The following CDH13 variants were observed in gnomAD, a reference collection of about 807,000 sequenced individuals.
The protein encoded by CDH13 is cadherin 13, also known as cadherin-13.
In CDH13, 24 loss-of-function variants were observed where a neutral mutation model predicts 63.8. The ratio of observed to expected loss-of-function variants is 0.38; its 90% CI spans 0.27 to 0.53. CDH13 has a LOEUF of 0.53. Ranked by LOEUF, CDH13 falls within the 20% of genes least tolerant of loss-of-function variation. CDH13 has a pLI of 0.85. For missense variants in CDH13, 1,049 were observed against 903.1 expected, an observed-to-expected ratio of 1.16 and a Z score of -2.07; for synonymous variants, 503 against 355.3, an observed-to-expected ratio of 1.42 and a Z score of -4.67.
intron 4 of CDH13, among the ~76,000 whole-genome samples, chr16:83,170,485 G>A (rs368188637): frequency 1.1e-4 from 16 of 152,108 alleles, no homozygotes; most frequent in African/African-American, 2.2e-4. Context: ...GAGGCAAAGC[G>A]TGAGAAACTC....
intron 12 of CDH13, 76 bp downstream of exon 12, chr16:83,780,277 C>A: frequency 1.1e-6 from 1 of 938,926 alleles, no homozygotes. Flanking sequence ...TGCTGTTTCT[C>A]TACTGTTCTC....
intron 6 of CDH13, chr16:83,397,563 T>C (rs1451659676): frequency 6.6e-6 from 1 of 152,244 alleles, no homozygotes; most frequent in African/African-American, 2.4e-5. Context: ...TCGTGTATTT[T>C]AGCAAGGAGA....
chr16:83,644,080 A>G (rs1598405486), intron 8 of CDH13, among the ~76,000 whole-genome samples: 2 of 152,206 alleles, frequency 1.3e-5, no homozygotes, highest in South Asian at 4.1e-4. Context: ...GTGAAACCCA[A>G]CAGAGTCCTT....
intron 6 of CDH13, among the ~76,000 whole-genome samples, chr16:83,399,328 C>T (rs1406150422): frequency 6.6e-6 from 1 of 152,168 alleles, no homozygotes; most frequent in African/African-American, 2.4e-5. Flanking sequence ...TATGTTACTT[C>T]TGTAATGACA....
chr16:83,456,711 C>T (rs542140364), intron 6 of CDH13, among the ~76,000 whole-genome samples: 13 of 152,246 alleles, frequency 8.5e-5, no homozygotes, highest in African/African-American at 3.1e-4. Context: ...ACCGTAATCC[C>T]AGCACTTTGG....
chr16:82,878,131 A>G (rs893533118), intron 2 of CDH13, among the ~76,000 whole-genome samples: 8 of 152,070 alleles, frequency 5.3e-5, no homozygotes, highest in Admixed American at 6.6e-5. Context: ...CTGAGCCCCA[A>G]GGAAACGTCA....
At chr16:82,997,650 T>A (rs950974846) in intron 2 of CDH13, among the ~76,000 whole-genome samples, 1 of 152,262 alleles carries the variant, frequency 6.6e-6, no homozygotes, top group East Asian at 1.9e-4. Flanking sequence ...CCCTGTTCTA[T>A]AGGTGAAAAT....
intron 4 of CDH13, chr16:83,171,384 C>T (rs2037909885): frequency 1.4e-6 from 1 of 721,170 alleles, no homozygotes; most frequent in East Asian, 2.7e-5. Flanking sequence ...GCCACCAGGC[C>T]CCACCTCCAA....
At chr16:83,386,907 A>C (rs574661188) in intron 6 of CDH13, among the ~76,000 whole-genome samples, 1 of 152,124 alleles carries the variant, frequency 6.6e-6, no homozygotes, top group East Asian at 1.9e-4. Context: ...AGTAAGGTCC[A>C]CCCCACCTTT....
chr16:83,456,724 G>T (rs1205996829), intron 6 of CDH13, among the ~76,000 whole-genome samples: 1 of 152,156 alleles, frequency 6.6e-6, no homozygotes, highest in Non-Finnish European at 1.5e-5. Context: ...CACTTTGGGA[G>T]GCCAAGGCGG....
intron 3 of CDH13, among the ~76,000 whole-genome samples, chr16:83,037,603 G>A (rs188627800): frequency 3.5e-4 from 53 of 152,284 alleles, no homozygotes; most frequent in Admixed American, 6.5e-4. Flanking sequence ...AGGGAAAGAC[G>A]TCTAGTCAGG....
intron 1 of CDH13, among the ~76,000 whole-genome samples, chr16:82,654,228 C>G (rs137911598): frequency 3.1e-4 from 47 of 152,310 alleles, no homozygotes; most frequent in Middle Eastern, 3.4e-3. Context: ...GTCCGAGTCT[C>G]TCTGCCTGAA....
At chr16:82,650,512 C>T (rs1183695199) in intron 1 of CDH13, among the ~76,000 whole-genome samples, 4 of 152,196 alleles carry the variant, frequency 2.6e-5, no homozygotes, top group Non-Finnish European at 4.4e-5. Flanking sequence ...CTCATTAACC[C>T]AACCACTTAG....
intron 3 of CDH13, among the ~76,000 whole-genome samples, chr16:83,052,518 G>A (rs1254849595): frequency 1.3e-5 from 2 of 152,224 alleles, no homozygotes; most frequent in South Asian, 2.1e-4. Context: ...GGTGGCTCAC[G>A]CCTGTAATCC....
intron 3 of CDH13, among the ~76,000 whole-genome samples, chr16:83,100,004 G>A (rs1050105019): frequency 2.0e-5 from 3 of 152,042 alleles, no homozygotes; most frequent in African/African-American, 7.2e-5. Flanking sequence ...CACAATCTCT[G>A]TTTCTGCTAA....
intron 11 of CDH13, among the ~76,000 whole-genome samples, chr16:83,770,911 G>A (rs773598362): frequency 6.6e-6 from 1 of 152,136 alleles, no homozygotes; most frequent in Non-Finnish European, 1.5e-5. Context: ...CACCTGGGAA[G>A]GCAGCCCAGT....
intron 3 of CDH13, among the ~76,000 whole-genome samples, chr16:83,077,158 CTTTCTTTTCT>C (rs201356530): frequency 5.2e-5 from 5 of 96,576 alleles, no homozygotes; most frequent in African/African-American, 1.6e-4. Context: ...TTTTCTTTTT[CTTTCTTTTCT>C]TTTCTTTTTT....
In CDH13 at chr16:83,703,947, A is replaced by G. The variant is rs17696288; in HGVS notation, c.1538+25486A>G. Reference sequence around the variant, plus strand: ...AAATATGTCATCTAAAACCTCATCCAGATAACCCTGCACATTGCACTTTTT... The same window carrying G: ...AAATATGTCATCTAAAACCTCATCCGGATAACCCTGCACATTGCACTTTTT... On this transcript the variant is annotated intron_variant, in intron 10 of 13. Coordinates refer to ENST00000567109, the MANE Select transcript of CDH13 (RefSeq NM_001257.5). 9.6e-3 allele frequency among the ~76,000 whole-genome samples: 1,459 copies of G among 152,308 alleles called. 63 individuals are homozygous for G. Among genetic ancestry groups the G allele is most frequent in the Admixed American group, 0.072 (1,098 of 15,296 alleles).
rs1491303554 is a variant in CDH13 at position 83,447,068 on chromosome 16, A to AC, written c.782-39409_782-39408insC. ...TCACCCGTCTTAAAAAAAAAAAAAA[A>AC]AAAAAACAAAAAACACCTTATAGTA... On this transcript the variant is annotated intron_variant, in intron 6 of 13. Transcript: ENST00000567109. 3.1e-4 allele frequency among the ~76,000 whole-genome samples: 42 copies of AC among 133,470 alleles called. 1 individual carries two copies. Among genetic ancestry groups the AC allele is most frequent in the African/African-American group, 4.6e-4 (15 of 32,672 alleles). The allele number at this position is 133,470 out of a possible 152,430, so 87.6% of individuals were successfully genotyped here. A position where few individuals can be genotyped will look rare whatever the true frequency, so the allele number is the denominator to read the frequency against.
Sources: gnomAD v4.1 joint callset for allele counts (sites outside exome capture counted in the v4.1 genomes callset) on GRCh38, gnomAD v4.1.1 for gene constraint, MANE v1.5 for transcripts, NCBI Gene and HGNC (gene_info 2026-07-23, HGNC 2026-07-21) for gene names.